Variants in RASEF observed in about 807,000 individuals in gnomAD.
The protein encoded by RASEF is RAS and EF-hand domain containing.
In RASEF, 68 loss-of-function variants were observed where a neutral mutation model predicts 90.1. The observed-to-expected ratio is 0.75, with a 90% confidence interval of 0.62 to 0.92. The LOEUF is 0.92. Ranked by LOEUF, RASEF falls within the 40% of genes least tolerant of loss-of-function variation. The pLI is 0.00. For synonymous variants in RASEF, 331 were observed against 345.2 expected, an observed-to-expected ratio of 0.96 and a Z score of 0.46; for missense variants, 949 against 937.2, an observed-to-expected ratio of 1.01 and a Z score of -0.16.
At chr9:83,042,860 G>C (rs1829865810) in intron 1 of RASEF, among the ~76,000 whole-genome samples, 1 of 152,026 alleles carries the variant, frequency 6.6e-6, no homozygotes, top group Non-Finnish European at 1.5e-5. Flanking sequence ...AACTTCAACA[G>C]ACAAAAGACC....
At chr9:83,047,607 C>A (rs1175394426) in intron 1 of RASEF, among the ~76,000 whole-genome samples, 1 of 152,162 alleles carries the variant, frequency 6.6e-6, no homozygotes, top group African/African-American at 2.4e-5. Flanking sequence ...CTTAGCCCTC[C>A]TCCCCTAGGA....
chr9:83,161,869 C>A, the RASEF span, among the ~76,000 whole-genome samples: 1 of 152,004 alleles, frequency 6.6e-6, no homozygotes, highest in Non-Finnish European at 1.5e-5. Flanking sequence ...ACAGGAGTTT[C>A]TCTGCACAAG....
At chr9:83,099,071 C>T in the RASEF span, among the ~76,000 whole-genome samples, 1 of 152,160 alleles carries the variant, frequency 6.6e-6, no homozygotes, top group Admixed American at 6.5e-5. Context: ...TTCATCCACC[C>T]TGACATCTAT....
the RASEF span, among the ~76,000 whole-genome samples, chr9:83,107,743 G>T: frequency 6.6e-6 from 1 of 152,028 alleles, no homozygotes; most frequent in South Asian, 2.1e-4. Context: ...TGTGTTTATG[G>T]TTTAACTCCA....
chr9:83,123,072 C>A, the RASEF span, among the ~76,000 whole-genome samples: 6 of 152,102 alleles, frequency 3.9e-5, no homozygotes, highest in African/African-American at 1.4e-4. Flanking sequence ...AACCTCATCT[C>A]TACTAAAAAT....
In RASEF at chr9:83,059,114, TTTTCTAAGTTAATTTA is replaced by T. The variant is rs554845556; in HGVS notation, c.431+3307_431+3322del. Reference sequence around the variant, plus strand: ...CATTCCTGTTTGTGAGAATGTGGGGTTTTCTAAGTTAATTTATCAGCATGAATCAATTCACAGATAA... The same window carrying T: ...CATTCCTGTTTGTGAGAATGTGGGGTTCAGCATGAATCAATTCACAGATAA... On this transcript the variant is annotated intron_variant, in intron 1 of 16. Coordinates refer to ENST00000376447, the MANE Select transcript of RASEF (RefSeq NM_152573.4). Among the ~76,000 whole-genome samples the T allele has an allele frequency of 3.3e-3, 505 of 151,738 alleles. 3 individuals are homozygous for T. The highest frequency in any genetic ancestry group is 0.011 in the African/African-American group (470 of 41,360).
At chr9:83,166,940 A>G in the RASEF span, among the ~76,000 whole-genome samples, 2 of 152,128 alleles carry the variant, frequency 1.3e-5, no homozygotes, top group African/African-American at 4.8e-5. Flanking sequence ...AAGAAAGGGA[A>G]TCTCTCTTTA....
the RASEF span, among the ~76,000 whole-genome samples, chr9:83,145,743 A>G: frequency 6.6e-6 from 1 of 151,994 alleles, no homozygotes; most frequent in Non-Finnish European, 1.5e-5. Flanking sequence ...GGGTAAAAAA[A>G]TAAAATAAGG....
intron 12 of RASEF, among the ~76,000 whole-genome samples, chr9:82,999,680 T>C (rs1327097144): frequency 1.3e-5 from 2 of 150,176 alleles, no homozygotes; most frequent in Non-Finnish European, 3.0e-5. Context: ...CTCGGCTCAC[T>C]GCAACCTCCG....
the RASEF span, among the ~76,000 whole-genome samples, chr9:83,215,939 A>C: frequency 1.3e-5 from 2 of 152,216 alleles, no homozygotes; most frequent in African/African-American, 4.8e-5. Context: ...ACGTGGTCTC[A>C]GATACAGATA....
At chr9:83,112,663 G>A in the RASEF span, among the ~76,000 whole-genome samples, 1 of 151,268 alleles carries the variant, frequency 6.6e-6, no homozygotes, top group African/African-American at 2.4e-5. Flanking sequence ...CTCCAGCCTG[G>A]GCAACAAGAG....
intron 3 of RASEF, among the ~76,000 whole-genome samples, chr9:83,017,321 TAAAAAAA>T (rs1174147161): frequency 7.8e-6 from 1 of 128,222 alleles, no homozygotes; most frequent in African/African-American, 2.9e-5. Flanking sequence ...TCGTCTCTAC[TAAAAAAA>T]AAAAAAAAAA....
rs140350569 is a variant in RASEF at position 83,047,465 on chromosome 9, A to G, written c.431+14972T>C. Among the ~76,000 whole-genome samples the G allele has an allele frequency of 1.4e-3, 216 of 152,334 alleles. 1 individual carries two copies. The highest frequency in any genetic ancestry group is 5.1e-3 in the African/African-American group (210 of 41,576). The stretch of plus-strand genomic sequence containing the variant: ...TAACTAAATTCCCTTATTTTTTATT[A>G]CAAATCATTTCATTCCAATTGACTT... On this transcript the variant is annotated intron_variant, in intron 1 of 16. Transcript: ENST00000376447.
At chr9:82,997,193 A>AT (rs1168436701) in intron 13 of RASEF, 67 bp from the exon 14 acceptor site, 5 of 989,666 alleles carry the variant, frequency 5.1e-6, no homozygotes, top group South Asian at 1.3e-5. Context: ...TTTTATGCTC[A>AT]TTTTTTTCTC....
At chr9:83,020,462 G>A (rs552834037) in intron 3 of RASEF, among the ~76,000 whole-genome samples, 2 of 152,322 alleles carry the variant, frequency 1.3e-5, no homozygotes, top group East Asian at 1.9e-4. Flanking sequence ...GTTTAGAAAG[G>A]TGTGAGGCGG....
At chr9:83,185,423 G>T in the RASEF span, among the ~76,000 whole-genome samples, 1 of 150,616 alleles carries the variant, frequency 6.6e-6, no homozygotes, top group African/African-American at 2.4e-5. Context: ...CTGGGCTCAA[G>T]TGATCCTCCT....
chr9:83,153,021 T>C, the RASEF span, among the ~76,000 whole-genome samples: 4 of 152,228 alleles, frequency 2.6e-5, no homozygotes, highest in Admixed American at 6.5e-5. Flanking sequence ...TGCTGCTTAA[T>C]TTTGCCATGA....
chr9:83,033,117 T>C (rs1339388678), intron 1 of RASEF, among the ~76,000 whole-genome samples: 1 of 152,184 alleles, frequency 6.6e-6, no homozygotes, highest in Non-Finnish European at 1.5e-5. Context: ...ACCCAGTTTT[T>C]GTAAACGAAA....
intron 14 of RASEF, among the ~76,000 whole-genome samples, chr9:82,996,573 C>A (rs915737074): frequency 1.3e-5 from 2 of 152,062 alleles, no homozygotes; most frequent in African/African-American, 2.4e-5. Flanking sequence ...AAGAGAGCTC[C>A]CATACAATTT....
Sources: allele counts gnomAD v4.1 joint callset (sites outside exome capture counted in the v4.1 genomes callset), GRCh38; gene constraint gnomAD v4.1.1; transcripts MANE v1.5; gene names NCBI Gene and HGNC (gene_info 2026-07-23, HGNC 2026-07-21).